The following SLC39A11 variants were observed in gnomAD, a reference collection of about 807,000 sequenced individuals.
SLC39A11 encodes the protein zinc transporter ZIP11.
A neutral mutation model predicts 36.1 loss-of-function variants in SLC39A11; 33 were observed. The ratio of observed to expected loss-of-function variants is 0.91; its 90% confidence interval spans 0.69 to 1.22. The LOEUF (loss-of-function observed/expected upper bound fraction) is 1.22. SLC39A11 is among the 50% of genes most tolerant of loss of function. SLC39A11 has a pLI of 0.00. For synonymous variants in SLC39A11, 166 were observed against 170.3 expected, an observed-to-expected ratio of 0.97 and a Z score of 0.20; for missense variants, 432 against 430.3, an observed-to-expected ratio of 1.00 and a Z score of -0.03.
At chr17:72,896,048 TTTAAG>T (rs2082009597) in intron 5 of SLC39A11, among the ~76,000 whole-genome samples, 1 of 152,042 alleles carries the variant, frequency 6.6e-6, no homozygotes, top group South Asian at 2.1e-4. Flanking sequence ...CTTCAGGGAA[TTTAAG>T]TTATTTTATA....
chr17:72,714,554 A>G (rs577754144), intron 7 of SLC39A11, among the ~76,000 whole-genome samples: 71 of 152,262 alleles, frequency 4.7e-4, no homozygotes, highest in Admixed American at 1.4e-3. Flanking sequence ...CCTCCTGCTG[A>G]GTGCCTGCTA....
At chr17:72,948,124 C>A (rs1251886259) in intron 4 of SLC39A11, among the ~76,000 whole-genome samples, 1 of 152,122 alleles carries the variant, frequency 6.6e-6, no homozygotes, top group Non-Finnish European at 1.5e-5. Flanking sequence ...AGTGCTGATC[C>A]TAAAAATGGG....
At chr17:72,704,273 A>G (rs965904751) in intron 7 of SLC39A11, among the ~76,000 whole-genome samples, 13 of 152,240 alleles carry the variant, frequency 8.5e-5, no homozygotes, top group Non-Finnish European at 2.9e-5. Context: ...ACAGATGAGG[A>G]AACCAAGGTA....
intron 4 of SLC39A11, among the ~76,000 whole-genome samples, chr17:73,006,649 T>TG (rs1371132725): frequency 4.1e-5 from 3 of 72,798 alleles, no homozygotes; most frequent in Admixed American, 2.1e-4. Flanking sequence ...ATTCAGTTTG[T>TG]AAACACACAC....
intron 6 of SLC39A11, among the ~76,000 whole-genome samples, chr17:72,740,219 C>T (rs1037683098): frequency 4.0e-5 from 6 of 151,890 alleles, no homozygotes; most frequent in Admixed American, 2.0e-4. Flanking sequence ...CCCGCCACCA[C>T]GCCTGGCTAA....
intron 6 of SLC39A11, among the ~76,000 whole-genome samples, chr17:72,834,480 C>T (rs1381434639): frequency 3.9e-5 from 6 of 151,984 alleles, no homozygotes; most frequent in East Asian, 3.9e-4. Flanking sequence ...AAATTACCTG[C>T]GCATGGTGAC....
At chr17:72,690,325 A>C (rs1293138903) in intron 7 of SLC39A11, among the ~76,000 whole-genome samples, 1 of 152,170 alleles carries the variant, frequency 6.6e-6, no homozygotes, top group Non-Finnish European at 1.5e-5. Flanking sequence ...TTTCCTAAAA[A>C]CAAGTTAGGA....
At chr17:72,835,151 C>T (rs1598922944) in intron 6 of SLC39A11, among the ~76,000 whole-genome samples, 1 of 152,288 alleles carries the variant, frequency 6.6e-6, no homozygotes, top group East Asian at 1.9e-4. Context: ...AAATGTCATC[C>T]CATGTAGGAG....
chr17:72,725,727 G>T (rs1311194935), intron 7 of SLC39A11: 2 of 152,236 alleles, frequency 1.3e-5, no homozygotes, highest in Non-Finnish European at 1.5e-5. Context: ...GTAAGGTGAG[G>T]CTGTGTAGTG....
intron 5 of SLC39A11, among the ~76,000 whole-genome samples, chr17:72,900,580 C>T (rs556500243): frequency 6.6e-6 from 1 of 151,874 alleles, no homozygotes; most frequent in Non-Finnish European, 1.5e-5. Context: ...ATCTGATTTG[C>T]ACTTTTACAG....
chr17:72,875,778 A>T (rs1283414579), intron 5 of SLC39A11, among the ~76,000 whole-genome samples: 2 of 152,108 alleles, frequency 1.3e-5, no homozygotes, highest in African/African-American at 4.8e-5. Context: ...CTGAGGAAGG[A>T]GGTGGGACTT....
rs942484309 is a variant in SLC39A11 at position 72,713,994 on chromosome 17, T to C, written c.671+22656A>G. On this transcript the variant is annotated intron_variant, in intron 7 of 9. Coordinates refer to ENST00000255559, the MANE Select transcript of SLC39A11 (RefSeq NM_139177.4). ...TAACGTCAGGGACCTCAAATTTAGA[T>C]CTACAGTCCACCACAAAGGCCGTGC... 5.3e-5 allele frequency among the ~76,000 whole-genome samples: 8 copies of C among 152,160 alleles called. No homozygotes were observed. In the East Asian group the frequency reaches 1.5e-3, roughly 29 times the overall value.
intron 6 of SLC39A11, among the ~76,000 whole-genome samples, chr17:72,826,877 G>A (rs762575605): frequency 3.3e-5 from 5 of 152,154 alleles, no homozygotes; most frequent in African/African-American, 9.7e-5. Flanking sequence ...GTAGAGAAAC[G>A]GAACCCTCCT....
chr17:73,022,595 TAAAAAAAAAAAAA>T (rs10675859), intron 4 of SLC39A11, among the ~76,000 whole-genome samples: 1 of 56,764 alleles, frequency 1.8e-5, no homozygotes, highest in Non-Finnish European at 2.8e-5. Flanking sequence ...AACTCCATCT[TAAAAAAAAAAAAA>T]AAAAAAAAAA....
intron 4 of SLC39A11, among the ~76,000 whole-genome samples, chr17:72,996,564 C>T (rs1454330970): frequency 6.6e-6 from 1 of 152,124 alleles, no homozygotes; most frequent in Admixed American, 6.5e-5. Flanking sequence ...CTCGTGGCAG[C>T]GTTACTCCCA....
intron 6 of SLC39A11, among the ~76,000 whole-genome samples, chr17:72,823,450 T>C (rs550045697): frequency 3.3e-5 from 5 of 151,384 alleles, no homozygotes; most frequent in African/African-American, 9.6e-5. Context: ...GCACAAACCC[T>C]GCAGTCTTTA....
At chr17:72,788,837 G>A (rs1307968017) in intron 6 of SLC39A11, among the ~76,000 whole-genome samples, 8 of 152,206 alleles carry the variant, frequency 5.3e-5, no homozygotes, top group Non-Finnish European at 1.0e-4. Flanking sequence ...GAGAGTATGA[G>A]GCATGGATGG....
chr17:73,061,091 G>A (rs2059826262), intron 3 of SLC39A11, among the ~76,000 whole-genome samples: 1 of 152,182 alleles, frequency 6.6e-6, no homozygotes, highest in South Asian at 2.1e-4. Flanking sequence ...ACCGAGCGTG[G>A]TGGCTCATGC....
intron 6 of SLC39A11, among the ~76,000 whole-genome samples, chr17:72,841,607 T>C (rs1239183352): frequency 6.6e-6 from 1 of 152,022 alleles, no homozygotes; most frequent in Non-Finnish European, 1.5e-5. Flanking sequence ...CAAAAAAAAA[T>C]AGATGAGTCA....
Sources: gnomAD v4.1 joint callset for allele counts (sites outside exome capture counted in the v4.1 genomes callset) on GRCh38, gnomAD v4.1.1 for gene constraint, MANE v1.5 for transcripts, NCBI Gene and HGNC (gene_info 2026-07-23, HGNC 2026-07-21) for gene names.